Variants in XKR6 observed in about 807,000 individuals in gnomAD.
XKR6 encodes XK-related protein 6.
In XKR6, 22 loss-of-function variants were observed where a neutral mutation model predicts 56.7. The ratio of observed to expected loss-of-function variants is 0.39; its 90% CI spans 0.28 to 0.55. The LOEUF (loss-of-function observed/expected upper bound fraction) is 0.55. XKR6 is among the 20% of genes least tolerant of loss of function. The probability of loss-of-function intolerance (pLI) is 0.66; values close to 1 mark genes in which losing one functional copy is unlikely to be tolerated. For missense variants in XKR6, 852 were observed against 889.0 expected (o/e 0.96, Z 0.53); for synonymous variants, 524 against 387.8 (o/e 1.35, Z -4.13).
At chr8:11,131,974 A>G (rs1800124301) in intron 1 of XKR6, among the ~76,000 whole-genome samples, 1 of 152,098 alleles carries the variant, frequency 6.6e-6, no homozygotes, top group Non-Finnish European at 1.5e-5. Flanking sequence ...TAAGTGATAC[A>G]TGACTGTGTA....
intron 1 of XKR6, among the ~76,000 whole-genome samples, chr8:10,995,176 C>A (rs1431053341): frequency 6.6e-6 from 1 of 151,874 alleles, no homozygotes; most frequent in Non-Finnish European, 1.5e-5. Flanking sequence ...CAGTGTATGC[C>A]GGTAAGAGGC....
chr8:10,915,415 G>A (rs1160008294), intron 2 of XKR6, among the ~76,000 whole-genome samples: 1 of 152,196 alleles, frequency 6.6e-6, no homozygotes, highest in Non-Finnish European at 1.5e-5. Context: ...CTCTGTTCCA[G>A]CATTTCATGT....
intron 1 of XKR6, among the ~76,000 whole-genome samples, chr8:11,090,664 C>T (rs1006263135): frequency 2.0e-5 from 3 of 152,082 alleles, no homozygotes; most frequent in Non-Finnish European, 2.9e-5. Context: ...TTATATACAC[C>T]GATCTTTTGA....
chr8:11,025,149 C>T (rs754604183), intron 1 of XKR6, among the ~76,000 whole-genome samples: 4 of 152,210 alleles, frequency 2.6e-5, no homozygotes, highest in Non-Finnish European at 5.9e-5. Flanking sequence ...TGTTCAAATG[C>T]TTGTGACAGA....
At chr8:11,121,685 G>T (rs1476762185) in intron 1 of XKR6, among the ~76,000 whole-genome samples, 1 of 152,324 alleles carries the variant, frequency 6.6e-6, no homozygotes, top group Non-Finnish European at 1.5e-5. Flanking sequence ...CCATTACTGG[G>T]TATATACCCA....
At chr8:11,123,590 A>G in intron 1 of XKR6, 1 of 306,786 alleles carries the variant, frequency 3.3e-6, no homozygotes, top group Non-Finnish European at 6.4e-6. Flanking sequence ...TAATGGATAT[A>G]CACGAGGATT....
chr8:10,909,787 G>A (rs991958191), intron 2 of XKR6, among the ~76,000 whole-genome samples: 7 of 152,160 alleles, frequency 4.6e-5, no homozygotes, highest in Non-Finnish European at 1.0e-4. Flanking sequence ...ATGTTTCAGT[G>A]CGTCAGACAT....
chr8:11,020,237 G>A (rs1277142740), intron 1 of XKR6, among the ~76,000 whole-genome samples: 2 of 152,140 alleles, frequency 1.3e-5, no homozygotes, highest in Non-Finnish European at 2.9e-5. Flanking sequence ...CCAGGGCTTG[G>A]CCAGAGTTCA....
intron 1 of XKR6, among the ~76,000 whole-genome samples, chr8:11,029,890 G>A (rs749220013): frequency 2.0e-5 from 3 of 152,070 alleles, no homozygotes; most frequent in Admixed American, 6.6e-5. Flanking sequence ...CTTGGCTGAA[G>A]CCATTTTCCA....
At chr8:11,073,649 A>G (rs1563118953) in intron 1 of XKR6, among the ~76,000 whole-genome samples, 1 of 152,250 alleles carries the variant, frequency 6.6e-6, no homozygotes, top group South Asian at 2.1e-4. Context: ...ACTTTTCATC[A>G]ATAATAGAGA....
chr8:10,945,066 C>T (rs373967832), intron 1 of XKR6, among the ~76,000 whole-genome samples: 6 of 152,256 alleles, frequency 3.9e-5, no homozygotes, highest in South Asian at 2.1e-4. Flanking sequence ...TCCCAGGGCT[C>T]GGGAGAGCAT....
At chr8:11,034,249 G>C (rs1799082316) in intron 1 of XKR6, among the ~76,000 whole-genome samples, 1 of 152,204 alleles carries the variant, frequency 6.6e-6, no homozygotes, top group South Asian at 2.1e-4. Context: ...TGAGAGGCTG[G>C]AGGATCTCAA....
At chr8:11,125,165 C>T (rs1799710392) in intron 1 of XKR6, among the ~76,000 whole-genome samples, 1 of 151,906 alleles carries the variant, frequency 6.6e-6, no homozygotes, top group Non-Finnish European at 1.5e-5. Flanking sequence ...AAGCGTGGGG[C>T]CATGAGGGAG....
chr8:10,903,203 C>G (rs1357875262), intron 2 of XKR6, among the ~76,000 whole-genome samples: 1 of 152,148 alleles, frequency 6.6e-6, no homozygotes, highest in Non-Finnish European at 1.5e-5. Context: ...GCCAAGGGAC[C>G]AAATGTTCAT....
chr8:10,943,545 G>T (rs1369765839), intron 1 of XKR6, among the ~76,000 whole-genome samples: 1 of 151,996 alleles, frequency 6.6e-6, no homozygotes, highest in East Asian at 1.9e-4. Context: ...CCTGTGTAGG[G>T]CCAAGCTCCC....
intron 1 of XKR6, among the ~76,000 whole-genome samples, chr8:11,062,314 G>C (rs1411026737): frequency 1.3e-5 from 2 of 152,242 alleles, no homozygotes; most frequent in East Asian, 3.9e-4. Flanking sequence ...AAAAGACCCA[G>C]GGGGCCAACT....
chr8:11,034,403 A>G (rs907213667), intron 1 of XKR6, among the ~76,000 whole-genome samples: 2 of 152,202 alleles, frequency 1.3e-5, no homozygotes, highest in Non-Finnish European at 2.9e-5. Context: ...AATGTCCAGG[A>G]CATTTATGGG....
chr8:11,061,670 G>C (rs1024834271), intron 1 of XKR6, among the ~76,000 whole-genome samples: 1 of 152,100 alleles, frequency 6.6e-6, no homozygotes, highest in Non-Finnish European at 1.5e-5. Flanking sequence ...GCATGTCCTG[G>C]GGGCTGTGAA....
At chr8:10,952,510 G>A (rs1379456488) in intron 1 of XKR6, among the ~76,000 whole-genome samples, 1 of 152,170 alleles carries the variant, frequency 6.6e-6, no homozygotes, top group Non-Finnish European at 1.5e-5. Flanking sequence ...CTGAAGTGCA[G>A]GGGCAAGATC....
Sources: gnomAD v4.1 joint callset for allele counts (sites outside exome capture counted in the v4.1 genomes callset) on GRCh38, gnomAD v4.1.1 for gene constraint, MANE v1.5 for transcripts, NCBI Gene and HGNC (gene_info 2026-07-23, HGNC 2026-07-21) for gene names.